PLPPR1: variants seen among roughly 807,000 people sequenced by gnomAD.
PLPPR1 encodes phospholipid phosphatase related 1, also known as phospholipid phosphatase-related protein type 1.
Under a neutral mutation model 33.1 loss-of-function variants are expected in PLPPR1, and 10 were observed. That is an observed-to-expected ratio of 0.30 (90% confidence interval 0.19 to 0.51). The LOEUF (loss-of-function observed/expected upper bound fraction) is 0.51, where lower values mean the gene tolerates loss of function less well. Among genes scored for constraint, PLPPR1 ranks in the 20% least tolerant of loss-of-function variants. The probability of loss-of-function intolerance (pLI) is 0.97; values close to 1 mark genes in which losing one functional copy is unlikely to be tolerated. For synonymous variants in PLPPR1, 151 were observed against 151.0 expected, an observed-to-expected ratio of 1.00 and a Z score of 0.00; for missense variants, 304 against 408.1, an observed-to-expected ratio of 0.74 and a Z score of 2.20.
chr9:101,210,729 A>ATAT (rs1294045512), intron 2 of PLPPR1, among the ~76,000 whole-genome samples: 1 of 152,154 alleles, frequency 6.6e-6, no homozygotes, highest in Admixed American at 6.5e-5. Flanking sequence ...ATTGAACTTA[A>ATAT]TATTATATTC....
intron 1 of PLPPR1, among the ~76,000 whole-genome samples, chr9:101,065,140 A>G (rs984950790): frequency 6.6e-6 from 1 of 152,098 alleles, no homozygotes; most frequent in African/African-American, 2.4e-5. Flanking sequence ...GGACTTGCAG[A>G]GCATTTTAAG....
chr9:101,309,897 TATATGA>T (rs1828926090), intron 5 of PLPPR1, among the ~76,000 whole-genome samples: 1 of 152,128 alleles, frequency 6.6e-6, no homozygotes, highest in South Asian at 2.1e-4. Context: ...GCATGGGCCT[TATATGA>T]ATGACTGCTC....
intron 2 of PLPPR1, among the ~76,000 whole-genome samples, chr9:101,234,111 A>G (rs1827246379): frequency 6.6e-6 from 1 of 151,834 alleles, no homozygotes; most frequent in African/African-American, 2.4e-5. Context: ...CTCTAGGTTC[A>G]TGGTCCTGAT....
chr9:101,221,832 C>T (rs1588080138), intron 2 of PLPPR1, among the ~76,000 whole-genome samples: 1 of 152,134 alleles, frequency 6.6e-6, no homozygotes, highest in African/African-American at 2.4e-5. Flanking sequence ...GAATTTGTTA[C>T]TTATCAAGAA....
intron 1 of PLPPR1, among the ~76,000 whole-genome samples, chr9:101,074,663 A>G (rs896649865): frequency 3.3e-5 from 5 of 152,050 alleles, no homozygotes; most frequent in Non-Finnish European, 5.9e-5. Flanking sequence ...TCATTCATTT[A>G]TTACCCACTG....
intron 1 of PLPPR1, among the ~76,000 whole-genome samples, chr9:101,056,843 G>A (rs546983420): frequency 3.2e-4 from 49 of 152,238 alleles, no homozygotes; most frequent in African/African-American, 1.0e-3. Context: ...TTTAGAAATG[G>A]GGATGGAGTG....
chr9:101,294,935 T>C (rs903862585), intron 4 of PLPPR1, among the ~76,000 whole-genome samples: 1 of 152,194 alleles, frequency 6.6e-6, no homozygotes, highest in African/African-American at 2.4e-5. Context: ...GACATAGTGT[T>C]GGAAGTTCTG....
chr9:101,129,358 T>C (rs2118608994), intron 1 of PLPPR1, among the ~76,000 whole-genome samples: 1 of 152,272 alleles, frequency 6.6e-6, no homozygotes, highest in South Asian at 2.1e-4. Flanking sequence ...GCCATTCCAT[T>C]GCTAGATATT....
chr9:101,043,279 ATGTG>A (rs1053168812), intron 1 of PLPPR1, among the ~76,000 whole-genome samples: 15 of 151,040 alleles, frequency 9.9e-5, no homozygotes, highest in African/African-American at 3.4e-4. Flanking sequence ...TCATATATAT[ATGTG>A]TGTGTGTGTA....
chr9:101,100,149 C>CAA (rs150671231), intron 1 of PLPPR1, among the ~76,000 whole-genome samples: 12 of 148,028 alleles, frequency 8.1e-5, no homozygotes, highest in African/African-American at 3.0e-4. Context: ...ATGAAATTTA[C>CAA]AAAAAAAAAT....
intron 1 of PLPPR1, among the ~76,000 whole-genome samples, chr9:101,121,888 T>C (rs1831181938): frequency 6.6e-6 from 1 of 152,172 alleles, no homozygotes; most frequent in Non-Finnish European, 1.5e-5. Context: ...CTAGGGAAGC[T>C]GTTTGAAGAC....
At chr9:101,193,906 A>G (rs906570755) in intron 2 of PLPPR1, among the ~76,000 whole-genome samples, 3 of 152,220 alleles carry the variant, frequency 2.0e-5, no homozygotes, top group Admixed American at 1.3e-4. Context: ...CAGGAAGTCA[A>G]CTTTCTCCAC....
intron 1 of PLPPR1, among the ~76,000 whole-genome samples, chr9:101,086,428 T>A (rs966213753): frequency 6.6e-6 from 1 of 152,052 alleles, no homozygotes; most frequent in Non-Finnish European, 1.5e-5. Context: ...GATTGGACCT[T>A]TTTGCCCATT....
chr9:101,060,183 C>A lies in PLPPR1; in HGVS notation c.-46+31081C>A, dbSNP rs117191251. Among the ~76,000 whole-genome samples the A allele has an allele frequency of 9.8e-3, 1,495 of 152,038 alleles. 64 individuals carry two copies. In the East Asian group the frequency reaches 0.14, roughly 15 times the overall value. ...TGTCATTCGCAACAAGATGGATGAA[C>A]CTGGAGGATATTATGTTGAGTGAAA... On this transcript the variant is annotated intron_variant, in intron 1 of 7. Transcript: ENST00000374874.
Position 101,273,003 on chromosome 9 carries a change from A to G in PLPPR1, c.252+2935A>G, listed in dbSNP as rs1178129297. The stretch of plus-strand genomic sequence containing the variant: ...ATAATTAGAAACTAGGAACTAGCTA[A>G]ATACACAATACCAGACTGGTTTAAT... On this transcript the variant is annotated intron_variant, in intron 3 of 7. Transcript: ENST00000374874. 2.0e-5 allele frequency among the ~76,000 whole-genome samples: 3 copies of G among 152,238 alleles called. No homozygotes were observed. In the East Asian group the frequency reaches 5.8e-4, roughly 29 times the overall value.
intron 1 of PLPPR1, among the ~76,000 whole-genome samples, chr9:101,184,091 G>A (rs974691028): frequency 6.6e-6 from 1 of 151,676 alleles, no homozygotes; most frequent in Non-Finnish European, 1.5e-5. Context: ...TCAATTCAAT[G>A]TGTTTTCTAC....
At chr9:101,060,511 A>T (rs1460968942) in intron 1 of PLPPR1, among the ~76,000 whole-genome samples, 2 of 152,130 alleles carry the variant, frequency 1.3e-5, no homozygotes, top group East Asian at 3.9e-4. Flanking sequence ...TATGTTAATT[A>T]TCTTAATTTA....
chr9:101,257,480 G>C (rs1308086743), intron 2 of PLPPR1, among the ~76,000 whole-genome samples: 1 of 152,114 alleles, frequency 6.6e-6, no homozygotes, highest in Non-Finnish European at 1.5e-5. Context: ...CTCACATCTT[G>C]GTTTAGAGGG....
intron 1 of PLPPR1, among the ~76,000 whole-genome samples, chr9:101,051,317 C>T (rs894168754): frequency 1.3e-5 from 2 of 152,072 alleles, no homozygotes; most frequent in African/African-American, 4.8e-5. Flanking sequence ...CTCTCTCTCT[C>T]TCTGTCTCTC....
Sources: gnomAD v4.1 joint callset for allele counts (sites outside exome capture counted in the v4.1 genomes callset) on GRCh38, gnomAD v4.1.1 for gene constraint, MANE v1.5 for transcripts, NCBI Gene and HGNC (gene_info 2026-07-23, HGNC 2026-07-21) for gene names.